Variants in NAP1L1 observed in about 807,000 individuals in gnomAD.
NAP1L1 encodes nucleosome assembly protein 1 like 1.
A neutral mutation model predicts 58.9 loss-of-function variants in NAP1L1; 9 were observed. That is an observed-to-expected ratio of 0.15 (90% CI 0.09 to 0.27). The LOEUF (loss-of-function observed/expected upper bound fraction) is 0.27. NAP1L1 is among the 10% of genes least tolerant of loss of function. NAP1L1 has a pLI of 1.00. For missense variants in NAP1L1, 302 were observed against 458.8 expected, an observed-to-expected ratio of 0.66 and a Z score of 3.12; for synonymous variants, 130 against 138.3, an observed-to-expected ratio of 0.94 and a Z score of 0.42.
chr12:76,050,399 C>T (rs1269014809), intron 12 of NAP1L1, 132 bp downstream of exon 12: 4 of 1,137,680 alleles, frequency 3.5e-6, no homozygotes, highest in Admixed American at 2.9e-5. Flanking sequence ...AAGCTATATA[C>T]AGAACATCAG....
intron 11 of NAP1L1, among the ~76,000 whole-genome samples, chr12:76,051,922 G>A (rs1459112616): frequency 6.6e-6 from 1 of 152,062 alleles, no homozygotes; most frequent in Non-Finnish European, 1.5e-5. Context: ...GCTGAGGCAG[G>A]AGAATTGCTT....
intron 4 of NAP1L1, among the ~76,000 whole-genome samples, chr12:76,066,826 C>A (rs1949698942): frequency 6.6e-6 from 1 of 152,066 alleles, no homozygotes; most frequent in Non-Finnish European, 1.5e-5. Context: ...AGTTCCTTTA[C>A]AGGACATGTA....
At chr12:76,069,156 A>T (rs931722078) in intron 2 of NAP1L1, among the ~76,000 whole-genome samples, 162 bp from the exon 3 acceptor site, 1 of 152,236 alleles carries the variant, frequency 6.6e-6, no homozygotes, top group African/African-American at 2.4e-5. Flanking sequence ...GTAAACAAGT[A>T]CACACTGGAA....
chr12:76,047,130 C>A lies in NAP1L1; in HGVS notation c.*1299G>T, dbSNP rs959954806. On this transcript the variant is annotated 3_prime_UTR_variant, in exon 15 of 15. Transcript: ENST00000618691. ...TGTGAACAAAATGCTTAGTGTCACA[C>A]TGGCATTACAAATAGGCCCAAAATT... is the stretch of plus-strand genomic sequence containing the variant. 2 of 152,436 alleles carry A rather than the reference C, an allele frequency of 1.3e-5. No individual in the cohort carries two copies. The highest frequency in any genetic ancestry group is 4.8e-5 in the African/African-American group (2 of 41,428). 9.4% of individuals were successfully genotyped at this position (152,436 alleles called of 1,614,324 possible).
intron 9 of NAP1L1, 112 bp from the exon 10 acceptor site, chr12:76,053,462 A>C: frequency 1.6e-6 from 2 of 1,285,814 alleles, no homozygotes; most frequent in Middle Eastern, 2.1e-4. Flanking sequence ...GAATTGCTTC[A>C]AATGTTTTCT....
chr12:76,073,562 T>C (rs147392418), intron 2 of NAP1L1, among the ~76,000 whole-genome samples: 1 of 152,222 alleles, frequency 6.6e-6, no homozygotes, highest in Non-Finnish European at 1.5e-5. Flanking sequence ...TTCTTCCTTG[T>C]TATCCTATCT....
At chr12:76,075,930 G>A (rs976201849) in intron 1 of NAP1L1, among the ~76,000 whole-genome samples, 8 of 152,112 alleles carry the variant, frequency 5.3e-5, no homozygotes, top group Non-Finnish European at 8.8e-5. Flanking sequence ...TTGGGAGGCC[G>A]AAGCAGAAGG....
intron 6 of NAP1L1, chr12:76,056,806 G>A: frequency 3.0e-6 from 1 of 333,282 alleles, no homozygotes; most frequent in Non-Finnish European, 6.0e-6. Context: ...AAGGTCAGGA[G>A]TTGGAGACCA....
intron 1 of NAP1L1, 64 bp from the exon 2 acceptor site, chr12:76,074,303 C>T: frequency 2.0e-6 from 3 of 1,481,390 alleles, no homozygotes; most frequent in Non-Finnish European, 2.7e-6. Flanking sequence ...AATAAGAAAC[C>T]AAAACCCTTT....
At chr12:76,049,413 A>T in intron 13 of NAP1L1, 163 bp from the exon 14 acceptor site, 1 of 1,532,890 alleles carries the variant, frequency 6.5e-7, no homozygotes, top group Non-Finnish European at 8.7e-7. Context: ...CTAATATGAA[A>T]AATTTCCCAA....
intron 14 of NAP1L1, 111 bp downstream of exon 14, chr12:76,049,089 A>G: frequency 9.2e-7 from 1 of 1,088,216 alleles, no homozygotes; most frequent in South Asian, 1.4e-5. Context: ...TATCCAGTCA[A>G]TAGGCTTTAT....
chr12:76,064,229 C>A (rs1949553919), intron 4 of NAP1L1, among the ~76,000 whole-genome samples: 1 of 152,094 alleles, frequency 6.6e-6, no homozygotes, highest in African/African-American at 2.4e-5. Flanking sequence ...AAGGAAGACA[C>A]ATATCAGTAA....
chr12:76,074,303 CA>C, intron 1 of NAP1L1, 64 bp from the exon 2 acceptor site: 3 of 1,481,390 alleles, frequency 2.0e-6, no homozygotes, highest in Non-Finnish European at 2.7e-6. Flanking sequence ...AATAAGAAAC[CA>C]AAACCCTTTA....
intron 4 of NAP1L1, among the ~76,000 whole-genome samples, chr12:76,061,487 C>T (rs1301770416): frequency 2.6e-5 from 4 of 152,314 alleles, no homozygotes; most frequent in Admixed American, 6.5e-5. Flanking sequence ...GCAAGTATTA[C>T]GTGGTGTATA....
At chr12:76,067,643 C>A (rs1160571409) in intron 3 of NAP1L1, 170 bp from the exon 4 acceptor site, 2 of 503,804 alleles carry the variant, frequency 4.0e-6, no homozygotes, top group African/African-American at 1.9e-5. Flanking sequence ...AAAGGAAAAC[C>A]CAATGTTCAG....
chr12:76,058,217 A>G, intron 6 of NAP1L1: 4 of 181,984 alleles, frequency 2.2e-5, no homozygotes, highest in Non-Finnish European at 3.5e-5. Context: ...ATATATATAT[A>G]TATATATGTA....
intron 13 of NAP1L1, chr12:76,049,451 T>C: frequency 6.5e-7 from 1 of 1,535,818 alleles, no homozygotes; most frequent in South Asian, 1.2e-5. Flanking sequence ...AGACAGCTTT[T>C]ATTGAAAATA....
intron 13 of NAP1L1, 26 bp downstream of exon 13, chr12:76,049,730 T>C (rs1162354271): frequency 1.2e-6 from 2 of 1,611,604 alleles, no homozygotes; most frequent in Non-Finnish European, 1.7e-6. Flanking sequence ...CCACAGAGAA[T>C]TATTTGCTCA....
intron 14 of NAP1L1, 95 bp from the exon 15 acceptor site, chr12:76,048,559 A>C: frequency 1.7e-5 from 21 of 1,270,630 alleles, no homozygotes; most frequent in Non-Finnish European, 2.2e-5. Flanking sequence ...ACAGTAGCTC[A>C]CTGTTGTCAA....
Sources: allele counts gnomAD v4.1 joint callset (sites outside exome capture counted in the v4.1 genomes callset), GRCh38; gene constraint gnomAD v4.1.1; transcripts MANE v1.5; gene names NCBI Gene and HGNC (gene_info 2026-07-23, HGNC 2026-07-21).